Variants in WWOX observed in about 807,000 individuals in gnomAD.
WWOX encodes the protein WW domain-containing oxidoreductase.
A neutral mutation model predicts 46.2 loss-of-function variants in WWOX; 69 were observed. The ratio of observed to expected loss-of-function variants is 1.49; its 90% CI spans 1.23 to 1.82. The LOEUF (loss-of-function observed/expected upper bound fraction) is 1.82, where lower values mean the gene tolerates loss of function less well. Ranked by LOEUF, WWOX falls within the 40% of genes most tolerant of loss-of-function variation. WWOX has a pLI of 0.00. For synonymous variants in WWOX, 359 were observed against 202.6 expected, an observed-to-expected ratio of 1.77 and a Z score of -6.56; for missense variants, 919 against 542.6, an observed-to-expected ratio of 1.69 and a Z score of -6.89.
At chr16:78,308,629 T>C (rs56281028) in intron 5 of WWOX, among the ~76,000 whole-genome samples, 7,780 of 152,258 alleles carry the variant, frequency 0.051, 513 homozygotes, top group African/African-American at 0.16. Flanking sequence ...GTAGAGAACA[T>C]CCTTCCCTTT....
chr16:78,384,673 G>C (rs905556893), intron 5 of WWOX, among the ~76,000 whole-genome samples: 1 of 152,116 alleles, frequency 6.6e-6, no homozygotes, highest in African/African-American at 2.4e-5. Flanking sequence ...CCTTTTCCTA[G>C]ATCAGGTTCA....
intron 8 of WWOX, among the ~76,000 whole-genome samples, chr16:78,861,007 A>G (rs952941035): frequency 5.5e-4 from 83 of 151,512 alleles, no homozygotes; most frequent in African/African-American, 2.0e-3. Flanking sequence ...TTTTGTAGAG[A>G]TGGGGTTTTG....
intron 8 of WWOX, among the ~76,000 whole-genome samples, chr16:78,863,640 T>G (rs140116745): frequency 6.6e-6 from 1 of 152,292 alleles, no homozygotes; most frequent in East Asian, 1.9e-4. Flanking sequence ...GTCTCTTATT[T>G]ACTCAGTGTT....
rs571352093 is a variant in WWOX, at chr16:78,204,712, G to T, written c.516+40423G>T. Among the ~76,000 whole-genome samples the T allele has an allele frequency of 4.7e-4, 71 of 152,256 alleles. 1 individual carries two copies. Among genetic ancestry groups the T allele is most frequent in the African/African-American group, 1.7e-3 (70 of 41,550 alleles). On this transcript the variant is annotated intron_variant, in intron 5 of 8. Coordinates refer to ENST00000566780, the MANE Select transcript of WWOX (RefSeq NM_016373.4). ...ATCATGGGACTGCACAATCGGAGAG[G>T]CAGGAAGGCCCTGAGAAATACCTGA...
At chr16:78,907,125 GT>G (rs898700058) in intron 8 of WWOX, among the ~76,000 whole-genome samples, 2 of 152,086 alleles carry the variant, frequency 1.3e-5, no homozygotes, top group Admixed American at 6.5e-5. Flanking sequence ...AGAGACTGGG[GT>G]TTTTTTAAGG....
intron 8 of WWOX, among the ~76,000 whole-genome samples, chr16:78,688,802 G>C (rs768077704): frequency 6.6e-6 from 1 of 152,136 alleles, no homozygotes; most frequent in African/African-American, 2.4e-5. Flanking sequence ...TAATCCCCAC[G>C]TGTCATGGGA....
At chr16:78,838,685 T>C (rs747432055) in intron 8 of WWOX, among the ~76,000 whole-genome samples, 1 of 151,868 alleles carries the variant, frequency 6.6e-6, no homozygotes, top group Non-Finnish European at 1.5e-5. Context: ...CTACTAAAAA[T>C]ACAAAAAGTT....
At chr16:78,186,200 T>TA (rs1312763180) in intron 5 of WWOX, among the ~76,000 whole-genome samples, 9 of 151,922 alleles carry the variant, frequency 5.9e-5, no homozygotes, top group Admixed American at 5.9e-4. Flanking sequence ...CTAGGTTAAA[T>TA]AAAATATCAT....
At chr16:78,433,806 T>C in intron 8 of WWOX, among the ~76,000 whole-genome samples, 1 of 117,194 alleles carries the variant, frequency 8.5e-6, no homozygotes, top group South Asian at 2.9e-4. Context: ...TTTTTTTTTT[T>C]TGAGACGGAG....
At chr16:78,865,872 C>T (rs1006184808) in intron 8 of WWOX, among the ~76,000 whole-genome samples, 8 of 152,094 alleles carry the variant, frequency 5.3e-5, no homozygotes, top group Non-Finnish European at 1.2e-4. Flanking sequence ...AGTGAAACTC[C>T]GTCTCAAAAA....
At chr16:78,561,753 A>T (rs1016567163) in intron 8 of WWOX, among the ~76,000 whole-genome samples, 1 of 152,206 alleles carries the variant, frequency 6.6e-6, no homozygotes, top group Non-Finnish European at 1.5e-5. Context: ...TTACAGGCAG[A>T]CACGGCTTCA....
At chr16:78,427,374 G>C (rs537364678) in intron 7 of WWOX, among the ~76,000 whole-genome samples, 1 of 152,142 alleles carries the variant, frequency 6.6e-6, no homozygotes. Context: ...ATACATCATA[G>C]TGAAATGAGA....
At chr16:79,039,546 G>C (rs542517277) in intron 8 of WWOX, among the ~76,000 whole-genome samples, 1 of 152,204 alleles carries the variant, frequency 6.6e-6, no homozygotes, top group Non-Finnish European at 1.5e-5. Context: ...GCCCATGACT[G>C]TGTCCATGGT....
At chr16:78,946,867 A>C (rs972385496) in intron 8 of WWOX, among the ~76,000 whole-genome samples, 6 of 152,256 alleles carry the variant, frequency 3.9e-5, no homozygotes, top group African/African-American at 1.4e-4. Context: ...GGCCGTGGCA[A>C]GGACAAGAGG....
At chr16:78,978,777 G>C (rs2046622917) in intron 8 of WWOX, among the ~76,000 whole-genome samples, 1 of 152,130 alleles carries the variant, frequency 6.6e-6, no homozygotes, top group African/African-American at 2.4e-5. Context: ...ACAACACCAA[G>C]GAGATACTGC....
chr16:78,847,928 G>A (rs1317138883), intron 8 of WWOX, among the ~76,000 whole-genome samples: 1 of 152,142 alleles, frequency 6.6e-6, no homozygotes, highest in Non-Finnish European at 1.5e-5. Flanking sequence ...ACAACCCTGT[G>A]ACCACTGCAC....
intron 8 of WWOX, among the ~76,000 whole-genome samples, chr16:79,209,060 A>C (rs1353277129): frequency 6.6e-6 from 1 of 152,248 alleles, no homozygotes; most frequent in Non-Finnish European, 1.5e-5. Context: ...CTACAAAGCC[A>C]GAGCCACTTG....
chr16:78,107,646 G>T (rs1189340014), intron 1 of WWOX, among the ~76,000 whole-genome samples: 1 of 152,062 alleles, frequency 6.6e-6, no homozygotes, highest in Non-Finnish European at 1.5e-5. Context: ...AGTGCTTAAT[G>T]AAACACTTTG....
chr16:78,730,503 G>A (rs895164966), intron 8 of WWOX, among the ~76,000 whole-genome samples: 5 of 151,994 alleles, frequency 3.3e-5, no homozygotes, highest in African/African-American at 1.2e-4. Flanking sequence ...TCAGGCTGGA[G>A]TGCGATGGCA....
Sources: gnomAD v4.1 joint callset for allele counts (sites outside exome capture counted in the v4.1 genomes callset) on GRCh38, gnomAD v4.1.1 for gene constraint, MANE v1.5 for transcripts, NCBI Gene and HGNC (gene_info 2026-07-23, HGNC 2026-07-21) for gene names.